The following XKR9 variants were observed in gnomAD, a reference collection of about 807,000 sequenced individuals.
XKR9 encodes the protein XK related 9, also known as XK-related protein 9.
XKR9 carries 32 observed loss-of-function variants against 32.0 expected under a neutral mutation model. The observed-to-expected ratio is 1.00, with a 90% CI of 0.76 to 1.34. The LOEUF (loss-of-function observed/expected upper bound fraction) is 1.34. Ranked by LOEUF, XKR9 falls within the 40% of genes most tolerant of loss-of-function variation. XKR9 has a pLI of 0.00. For synonymous variants in XKR9, 168 were observed against 143.4 expected (o/e 1.17, Z -1.22); for missense variants, 546 against 429.7 (o/e 1.27, Z -2.39).
At chr8:71,014,528 T>C in the XKR9 span, among the ~76,000 whole-genome samples, 1 of 152,194 alleles carries the variant, frequency 6.6e-6, no homozygotes, top group Non-Finnish European at 1.5e-5. Context: ...TGTCTCTGTC[T>C]TCTTTCTATC....
the XKR9 span, among the ~76,000 whole-genome samples, chr8:70,887,410 T>G: frequency 6.6e-6 from 1 of 152,120 alleles, no homozygotes. Flanking sequence ...ATATGGGCTT[T>G]TTTTTTGGTT....
chr8:70,819,648 T>C, the XKR9 span, among the ~76,000 whole-genome samples: 1 of 152,216 alleles, frequency 6.6e-6, no homozygotes, highest in Admixed American at 6.5e-5. Context: ...TAGGGTTATT[T>C]TGAGAATCAA....
chr8:70,736,941 G>A (rs552704980), downstream of XKR9, among the ~76,000 whole-genome samples: 934 of 152,192 alleles, frequency 6.1e-3, no homozygotes, highest in African/African-American at 0.021. Context: ...GGATTGACTC[G>A]GCGATGCGGG....
the XKR9 span, among the ~76,000 whole-genome samples, chr8:70,906,705 G>A: frequency 9.2e-5 from 14 of 152,054 alleles, no homozygotes; most frequent in South Asian, 1.4e-3. Context: ...TTCTGCATTC[G>A]TTCTGAAATA....
the XKR9 span, among the ~76,000 whole-genome samples, chr8:71,045,190 G>C: frequency 6.6e-6 from 1 of 152,126 alleles, no homozygotes; most frequent in South Asian, 2.1e-4. Context: ...TAAATCTTTA[G>C]CTTATGACTA....
chr8:70,974,575 T>C, the XKR9 span, among the ~76,000 whole-genome samples: 1 of 152,218 alleles, frequency 6.6e-6, no homozygotes, highest in Non-Finnish European at 1.5e-5. Flanking sequence ...CATGAACCCA[T>C]CCTTTCTTAT....
chr8:70,975,249 C>T, the XKR9 span, among the ~76,000 whole-genome samples: 16 of 152,192 alleles, frequency 1.1e-4, no homozygotes, highest in East Asian at 3.1e-3. Context: ...AGTTTAATTA[C>T]AACCCATTTG....
chr8:70,954,409 C>G, the XKR9 span, among the ~76,000 whole-genome samples: 1 of 152,316 alleles, frequency 6.6e-6, no homozygotes, highest in East Asian at 1.9e-4. Context: ...TGTCCTCCCT[C>G]CCTTCTCCAC....
chr8:70,868,425 T>C, the XKR9 span, among the ~76,000 whole-genome samples: 1 of 152,090 alleles, frequency 6.6e-6, no homozygotes, highest in Non-Finnish European at 1.5e-5. Flanking sequence ...AATTCTTGGC[T>C]TCTGTGCACT....
chr8:70,695,276 A>G (rs1447667162), intron 3 of XKR9, among the ~76,000 whole-genome samples: 1 of 149,484 alleles, frequency 6.7e-6, no homozygotes, highest in African/African-American at 2.5e-5. Context: ...TGCTGCACCC[A>G]TTAACTCGTC....
At chr8:70,854,863 T>A in the XKR9 span, among the ~76,000 whole-genome samples, 153 of 152,336 alleles carry the variant, frequency 1.0e-3, 2 homozygotes, top group Non-Finnish European at 1.8e-3. Context: ...AGGGCTCTGT[T>A]CTGCTCCATT....
the XKR9 span, among the ~76,000 whole-genome samples, chr8:70,998,656 G>T: frequency 2.0e-5 from 3 of 152,200 alleles, no homozygotes; most frequent in African/African-American, 2.4e-5. Context: ...TGCTGGAGAA[G>T]CTTGTTCAAT....
At chr8:70,892,080 G>C in the XKR9 span, among the ~76,000 whole-genome samples, 6 of 151,904 alleles carry the variant, frequency 3.9e-5, no homozygotes, top group Non-Finnish European at 7.4e-5. Flanking sequence ...AGCTACTCTT[G>C]CTCTTTGGTT....
At chr8:70,882,813 C>T in the XKR9 span, among the ~76,000 whole-genome samples, 38 of 151,810 alleles carry the variant, frequency 2.5e-4, no homozygotes, top group Admixed American at 2.4e-3. Flanking sequence ...CATTTTTGCA[C>T]TGTACATTTT....
the XKR9 span, among the ~76,000 whole-genome samples, chr8:70,821,778 G>A: frequency 1.4e-4 from 22 of 152,280 alleles, no homozygotes; most frequent in East Asian, 1.3e-3. Context: ...ATCTCATCTC[G>A]AGACTGCCCA....
chr8:70,883,804 T>A, the XKR9 span, among the ~76,000 whole-genome samples: 1 of 152,184 alleles, frequency 6.6e-6, no homozygotes. Flanking sequence ...TCCTAGTTAG[T>A]TCCAAGTTTT....
the XKR9 span, among the ~76,000 whole-genome samples, chr8:70,811,218 C>A: frequency 3.5e-3 from 528 of 149,988 alleles, 3 homozygotes; most frequent in African/African-American, 0.011. Context: ...TGAAGGCAGA[C>A]GTAAAGATGT....
chr8:70,785,154 G>A (rs1356770205), intron 2 of XKR9, among the ~76,000 whole-genome samples: 1 of 151,798 alleles, frequency 6.6e-6, no homozygotes, highest in African/African-American at 2.4e-5. Context: ...TTCTTTGATG[G>A]GAGACTTTTT....
chr8:70,757,880 C>A (rs747809903), intron 2 of XKR9, among the ~76,000 whole-genome samples: 2 of 152,172 alleles, frequency 1.3e-5, no homozygotes, highest in Admixed American at 1.3e-4. Flanking sequence ...AGCCACCGTG[C>A]CTGGCTGCTT....
Sources: gnomAD v4.1 joint callset for allele counts (sites outside exome capture counted in the v4.1 genomes callset) on GRCh38, gnomAD v4.1.1 for gene constraint, MANE v1.5 for transcripts, NCBI Gene and HGNC (gene_info 2026-07-23, HGNC 2026-07-21) for gene names.